ITIH1: variants seen among roughly 807,000 people sequenced by gnomAD.
ITIH1 encodes the protein inter-alpha-trypsin inhibitor heavy chain 1, also known as inter-alpha-trypsin inhibitor heavy chain H1.
A neutral mutation model predicts 104.6 loss-of-function variants in ITIH1; 94 were observed. The ratio of observed to expected loss-of-function variants is 0.90; its 90% CI spans 0.76 to 1.07. The LOEUF is 1.07. Ranked by LOEUF, ITIH1 falls within the 50% of genes least tolerant of loss-of-function variation. ITIH1 has a pLI of 0.00. For synonymous variants in ITIH1, 455 were observed against 464.4 expected (o/e 0.98, Z 0.26); for missense variants, 1,193 against 1,181.4 (o/e 1.01, Z -0.14).
In ITIH1 at chr3:52,778,435, T is replaced by A; in HGVS notation, c.234T>A (p.Thr78=). The A allele has an allele frequency of 6.2e-7, 1 of 1,614,228 alleles. No individual in the cohort carries two copies. The highest frequency in any genetic ancestry group is 8.5e-7 in the Non-Finnish European group (1 of 1,180,038). Residue 78 remains threonine (T), a synonymous_variant, in exon 3 of 22, where the codon ACT becomes ACA. Transcript: ENST00000273283. ...TTGTCACCAGCCAAGTGGTCAACACTGCCAATGAAGCCAGGGAAGTGGCCT... is the reference window on the plus strand; with the variant it reads ...TTGTCACCAGCCAAGTGGTCAACACAGCCAATGAAGCCAGGGAAGTGGCCT... ...HYVVTSQVVN[T]ANEAREVAFD...
In ITIH1 at chr3:52,782,186, C is replaced by G. The variant is rs1364174458; in HGVS notation, c.849C>G (p.Pro283=). ...ANNHFAHFFA[P]QNLTNMNKNV... Reference sequence around the variant, plus strand: ...ACCACTTTGCCCACTTCTTTGCCCCCCAAAACCTGACAAACATGAACAAGA... The same window carrying G: ...ACCACTTTGCCCACTTCTTTGCCCCGCAAAACCTGACAAACATGAACAAGA... Residue 283 remains proline (P), a synonymous_variant, in exon 8 of 22, where the codon CCC becomes CCG. Transcript: ENST00000273283. 6.2e-7 allele frequency: 1 copy of G among 1,614,166 alleles called. No individual in the cohort carries two copies. Among genetic ancestry groups the G allele is most frequent in the South Asian group, 1.1e-5 (1 of 91,084 alleles).
In ITIH1 at chr3:52,792,004, T is replaced by A; in HGVS notation, c.*93T>A. On this transcript the variant is annotated 3_prime_UTR_variant, in exon 22 of 22. Coordinates refer to ENST00000273283, the MANE Select transcript of ITIH1 (RefSeq NM_002215.4). ...GCTGCTGAGGCTGTACCTCCTTGAC[T>A]AAGCTGGTTCCTTGTGTCAAAGCAC... The A allele has an allele frequency of 7.2e-7, 1 of 1,390,672 alleles. No individual in the cohort carries two copies. The highest frequency in any genetic ancestry group is 9.8e-7 in the Non-Finnish European group (1 of 1,018,110). 86.1% of individuals were successfully genotyped at this position (1,390,672 alleles called of 1,614,324 possible).
intron 6 of ITIH1, among the ~76,000 whole-genome samples, chr3:52,781,197 CTTTTTTTTTT>C (rs10526848): frequency 2.5e-4 from 17 of 69,278 alleles, no homozygotes; most frequent in African/African-American, 9.5e-4. Flanking sequence ...TCCTCCTCTT[CTTTTTTTTTT>C]TTTCTTCTTC....
chr3:52,789,036 A>T (rs138535886), intron 18 of ITIH1, among the ~76,000 whole-genome samples: 1 of 152,250 alleles, frequency 6.6e-6, no homozygotes, highest in Non-Finnish European at 1.5e-5. Context: ...TATGGGGAAC[A>T]GCTCCCTCTC....
In ITIH1 at chr3:52,783,284, ACT is replaced by A. The variant is rs765201759; in HGVS notation, c.1172_1173del (p.Leu391GlnfsTer51). On this transcript the variant is annotated frameshift_variant, in exon 10 of 22. Coordinates refer to ENST00000273283, the MANE Select transcript of ITIH1 (RefSeq NM_002215.4). LOFTEE classifies it high-confidence loss of function. Reference protein sequence around the residue: ...LNQVQESLPELSNHASILIML... With the variant: ...LNQVQESLPEXSNHASILIML... ...ACCAAGTTCAGGAAAGCCTCCCAGA[ACT>A]CAGCAACCATGCCTCAATACTCATC... 1 of 1,614,024 alleles carries A rather than the reference ACT, an allele frequency of 6.2e-7. No individual in the cohort carries two copies. Among genetic ancestry groups the A allele is most frequent in the East Asian group, 2.2e-5 (1 of 44,880 alleles).
Position 52,779,688 on chromosome 3 carries a change from G to T in ITIH1, c.573+94G>T. 3 of 1,439,352 alleles carry T rather than the reference G, an allele frequency of 2.1e-6. No homozygotes were observed. The highest frequency in any genetic ancestry group is 2.9e-6 in the Non-Finnish European group (3 of 1,023,248). 89.2% of individuals were successfully genotyped at this position (1,439,352 alleles called of 1,614,324 possible). A position where few individuals can be genotyped will look rare whatever the true frequency, so the allele number is the denominator to read the frequency against. On this transcript the variant is annotated intron_variant, in intron 5 of 21. Transcript: ENST00000273283. The surrounding 1 kb of genome is among the most constrained non-coding windows in gnomAD (Gnocchi z 4.4). ...AGCACCCACCATGTGTCACCACCCA[G>T]GCCTGAGAACACAGGGATGGGGACT...
chr3:52,791,867 A>G lies in ITIH1; in HGVS notation c.2692A>G (p.Ile898Val). 1 of 1,614,154 alleles carries G rather than the reference A, an allele frequency of 6.2e-7. No individual in the cohort carries two copies. ...WFIHNNGAGLIDGAYTDYIVP... is the reference protein window; with the variant it reads ...WFIHNNGAGLVDGAYTDYIVP... ...CATTCACAACAATGGGGCTGGACTC[A>G]TCGATGGTGCCTACACTGATTATAT... Residue 898 changes from isoleucine (I) to valine (V), a missense_variant, in exon 22 of 22, where the codon ATC becomes GTC. Ile to Val is a conservative substitution (Grantham distance 29, BLOSUM62 3). Transcript: ENST00000273283.
chr3:52,778,381 C>T lies in ITIH1; in HGVS notation c.180C>T (p.Cys60=). ...TCATCCGGAGTTTGAAAGTCAACTG[C>T]AAAGTCACCTCTCGCTTCGCCCACT... is the stretch of plus-strand genomic sequence containing the variant. ...GVFIRSLKVN[C]KVTSRFAHYV... Residue 60 remains cysteine, a synonymous_variant, in exon 3 of 22, where the codon TGC becomes TGT. Transcript: ENST00000273283. 1 of 1,614,252 alleles carries T rather than the reference C, an allele frequency of 6.2e-7. No homozygotes were observed. The highest frequency in any genetic ancestry group is 8.5e-7 in the Non-Finnish European group (1 of 1,180,040).
At position 52,782,007 on chromosome 3, in the gene ITIH1, T is replaced by C. The variant is rs775258074; in HGVS notation, c.755T>C (p.Leu252Pro). 1 of 1,614,168 alleles carries C rather than the reference T, an allele frequency of 6.2e-7. No homozygotes were observed. The highest frequency in any genetic ancestry group is 8.5e-7 in the Non-Finnish European group (1 of 1,180,030). The change falls in exon 7 of 22, where the codon CTG (leucine) becomes CCG (proline). Residue 252 changes from leucine to proline, a missense_variant. Physicochemically the swap from Leu to Pro is moderately conservative, Grantham distance 98. Transcript: ENST00000273283. ...QSCPTCSTSLLNGHFKVTYDV... is the reference protein window; with the variant it reads ...QSCPTCSTSLPNGHFKVTYDV... ...TGCCCCACATGCTCTACATCCTTAC[T>C]GAACGGGCACTTCAAGGTGACCTAC... is the stretch of plus-strand genomic sequence containing the variant.
Position 52,784,853 on chromosome 3 carries a change from C to T in ITIH1, c.1408-191C>T, listed in dbSNP as rs1276493845. ...TTGTGCCACTGCACTCCAGCCTGGG[C>T]AACACAGTGAGACTCTGTCTCAGAA... On this transcript the variant is annotated intron_variant, in intron 11 of 21. Coordinates refer to ENST00000273283, the MANE Select transcript of ITIH1 (RefSeq NM_002215.4). Among the ~76,000 whole-genome samples the T allele has an allele frequency of 4.1e-5, 6 of 144,948 alleles. No individual in the cohort carries two copies. In the East Asian group the frequency reaches 1.2e-3, roughly 29 times the overall value.
At chr3:52,788,186 C>T (rs372470913) in intron 17 of ITIH1, 46 bp from the exon 18 acceptor site, 18 of 1,532,600 alleles carry the variant, frequency 1.2e-5, no homozygotes, top group East Asian at 2.3e-5. Flanking sequence ...TGGCCAGCCC[C>T]ATCTGCCCGA....
chr3:52,778,092 G>T (rs1471431215), intron 2 of ITIH1, 75 bp downstream of exon 2: 1 of 1,541,440 alleles, frequency 6.5e-7, no homozygotes, highest in African/African-American at 1.4e-5. Flanking sequence ...CCTGTCAGGG[G>T]TGGACCCCTC....
intron 19 of ITIH1, 75 bp downstream of exon 19, chr3:52,789,929 C>A (rs1578743311): frequency 1.4e-6 from 2 of 1,447,566 alleles, no homozygotes; most frequent in East Asian, 2.3e-5. Flanking sequence ...GTCTGCAGGG[C>A]CCTCGTCCCT....
chr3:52,791,881 C>CGAG lies in ITIH1; in HGVS notation c.2706_2707insGAG (p.Tyr902_Thr903insGlu). On this transcript the variant is annotated inframe_insertion, in exon 22 of 22. Coordinates refer to ENST00000273283, the MANE Select transcript of ITIH1 (RefSeq NM_002215.4). ...GGGCTGGACTCATCGATGGTGCCTA[C>CGAG]ACTGATTATATCGTCCCCGACATCT... is the stretch of plus-strand genomic sequence containing the variant. The CGAG allele has an allele frequency of 6.2e-7, 1 of 1,614,010 alleles. No individual in the cohort carries two copies.
At position 52,783,177 on chromosome 3, in the gene ITIH1, T is replaced by G. The variant is rs370487534; in HGVS notation, c.1100-37T>G. The G allele has an allele frequency of 4.8e-5, 77 of 1,614,020 alleles. No homozygotes were observed. The African/African-American group carries it at 9.6e-4, about 20-fold the overall frequency. On this transcript the variant is annotated intron_variant, in intron 9 of 21. Transcript: ENST00000273283. ...TGATGTCACCTCTGTCCCCTCAGAA[T>G]GAGGGCATACACTGGTCTGCTTTCT...
At chr3:52,778,248 C>A (rs1698951300) in intron 2 of ITIH1, 92 bp from the exon 3 acceptor site, 2 of 1,343,346 alleles carry the variant, frequency 1.5e-6, no homozygotes, top group Admixed American at 3.4e-5. Context: ...GCACCATGCA[C>A]TGGGGCTAAG....
chr3:52,790,153 C>G (rs1258830057), intron 19 of ITIH1: 1 of 474,708 alleles, frequency 2.1e-6, no homozygotes, highest in African/African-American at 1.9e-5. Flanking sequence ...GAGGCCACCT[C>G]TTCCCCTCAG....
intron 8 of ITIH1, 21 bp from the exon 9 acceptor site, chr3:52,782,936 C>T (rs1433879754): frequency 6.2e-7 from 1 of 1,613,258 alleles, no homozygotes; most frequent in South Asian, 1.1e-5. Context: ...TGTCTGTCTA[C>T]TGACTGTTCT....
Position 52,779,993 on chromosome 3 carries a change from T to A in ITIH1, c.574-276T>A. ...ATGTACACCTTCATTTGGTCAGTAT[T>A]TTTGGAGTGCCTACTGAGTACCAGG... On this transcript the variant is annotated intron_variant, in intron 5 of 21. Transcript: ENST00000273283. The surrounding 1 kb of genome is among the most constrained non-coding windows in gnomAD (Gnocchi z 4.4). The A allele has an allele frequency of 7.2e-7, 1 of 1,392,600 alleles. No individual in the cohort carries two copies. The highest frequency in any genetic ancestry group is 9.3e-7 in the Non-Finnish European group (1 of 1,073,592). The allele number at this position is 1,392,600 out of a possible 1,614,324, so 86.3% of individuals were successfully genotyped here.
Sources: gnomAD v4.1 joint callset for allele counts (sites outside exome capture counted in the v4.1 genomes callset) on GRCh38, gnomAD v4.1.1 for gene constraint, Gnocchi (gnomAD v3.1) non-coding constraint, MANE v1.5 for transcripts, NCBI Gene and HGNC (gene_info 2026-07-23, HGNC 2026-07-21) for gene names.